The following MRC2 variants were observed in gnomAD, a reference collection of about 807,000 sequenced individuals.
The protein encoded by MRC2 is mannose receptor C-type 2.
Under a neutral mutation model 206.2 loss-of-function variants are expected in MRC2, and 84 were observed. The ratio of observed to expected loss-of-function variants is 0.41; its 90% CI spans 0.34 to 0.49. MRC2 has a LOEUF of 0.49. MRC2 is among the 20% of genes least tolerant of loss of function. MRC2 has a pLI of 0.31. For missense variants in MRC2, 1,676 were observed against 2,001.5 expected (o/e 0.84, Z 3.10); for synonymous variants, 798 against 800.0 (o/e 1.00, Z 0.04).
In MRC2 at chr17:62,689,992, T is replaced by A. The variant is rs780873429; in HGVS notation, c.3672T>A (p.Asp1224Glu). Residue 1224 changes from aspartate to glutamate, a missense_variant, in exon 25 of 30, where the codon GAT (aspartate) becomes GAA (glutamate). Asp to Glu is a conservative substitution (Grantham distance 45). This residue lies in a region of MRC2 where 1,354 missense variants were observed against 1,636.6 expected (regional missense o/e 0.83). Transcript: ENST00000303375. ...PQQPGGCTYV[D>E]VDGAWRTTSC... The stretch of plus-strand genomic sequence containing the variant: ...AGCCGGGGGGCTGTACCTACGTAGA[T>A]GTGGACGGGGCCTGGCGCACCACCA... The A allele has an allele frequency of 6.2e-7, 1 of 1,612,584 alleles. No individual in the cohort carries two copies. The highest frequency in any genetic ancestry group is 8.5e-7 in the Non-Finnish European group (1 of 1,179,764).
chr17:62,666,534 G>A lies in MRC2; in HGVS notation c.774G>A (p.Ser258=). Reference sequence around the variant, plus strand: ...AGTTTAACTTCCAGTCCACGCTGTCGTGGAGGGAGGCCTGGGCCAGCTGCG... The same window carrying A: ...AGTTTAACTTCCAGTCCACGCTGTCATGGAGGGAGGCCTGGGCCAGCTGCG... ...CYQFNFQSTL[S]WREAWASCEQ... The change falls in exon 4 of 30, where the codon TCG becomes TCA. Residue 258 remains serine (S), a synonymous_variant. Transcript: ENST00000303375. The surrounding 1 kb of genome is among the most constrained non-coding windows in gnomAD (Gnocchi z 5.0). The A allele has an allele frequency of 1.2e-6, 2 of 1,613,612 alleles. No individual in the cohort carries two copies. The highest frequency in any genetic ancestry group is 1.7e-6 in the Non-Finnish European group (2 of 1,179,884).
chr17:62,686,802 G>C (rs954006713), intron 20 of MRC2, among the ~76,000 whole-genome samples: 3 of 152,084 alleles, frequency 2.0e-5, no homozygotes, highest in African/African-American at 7.2e-5. Context: ...ATTTAAGTTG[G>C]GCCTCAGCAT....
chr17:62,648,383 C>T (rs996822416), intron 1 of MRC2, among the ~76,000 whole-genome samples: 3 of 152,224 alleles, frequency 2.0e-5, no homozygotes, highest in Non-Finnish European at 4.4e-5. Context: ...CCCAGGTCAA[C>T]TCCTCCCGTC....
chr17:62,637,031 C>T (rs903799552), intron 1 of MRC2, among the ~76,000 whole-genome samples: 1 of 152,236 alleles, frequency 6.6e-6, no homozygotes, highest in Non-Finnish European at 1.5e-5. Flanking sequence ...CAGGTTAGCG[C>T]TGCTAAGGGG....
chr17:62,666,130 C>T lies in MRC2; in HGVS notation c.557C>T (p.Pro186Leu), dbSNP rs150435506. ...YTIQGNSHGK[P>L]CTIPFKYDNQ... ...ATCCAGGGAAACTCCCACGGAAAGC[C>T]GTGCACCATCCCCTTCAAATATGAC... Residue 186 changes from proline to leucine, a missense_variant, in exon 3 of 30, where the codon CCG becomes CTG. Coordinates refer to ENST00000303375, the MANE Select transcript of MRC2 (RefSeq NM_006039.5). This position sits in a 1 kb window ranked among gnomAD's most constrained non-coding sequence, Gnocchi z 5.0. 1 of 1,597,390 alleles carries T rather than the reference C, an allele frequency of 6.3e-7. No individual in the cohort carries two copies. The highest frequency in any genetic ancestry group is 8.5e-7 in the Non-Finnish European group (1 of 1,171,686).
In MRC2 at chr17:62,672,907, G is replaced by A. The variant is rs904242475; in HGVS notation, c.1461+755G>A. 5.3e-5 allele frequency among the ~76,000 whole-genome samples: 8 copies of A among 151,750 alleles called. No homozygotes were observed. The highest frequency in any genetic ancestry group is 1.9e-4 in the African/African-American group (8 of 41,262). ...CTCCAGAGGCTGAGGCAAGAGAATCGCTTGAACCTGGAAGGCAGAGGCTGC... is the reference window on the plus strand; with the variant it reads ...CTCCAGAGGCTGAGGCAAGAGAATCACTTGAACCTGGAAGGCAGAGGCTGC... On this transcript the variant is annotated intron_variant, in intron 8 of 29. Coordinates refer to ENST00000303375, the MANE Select transcript of MRC2 (RefSeq NM_006039.5). The surrounding 1 kb of genome is among the most constrained non-coding windows in gnomAD (Gnocchi z 4.5).
At chr17:62,629,211 C>T (rs1449135373) in intron 1 of MRC2, among the ~76,000 whole-genome samples, 1 of 152,256 alleles carries the variant, frequency 6.6e-6, no homozygotes, top group Non-Finnish European at 1.5e-5. Flanking sequence ...CCTTCCTCTG[C>T]TCCTCTGCGC....
intron 27 of MRC2, 69 bp downstream of exon 27, chr17:62,690,830 C>A: frequency 1.3e-6 from 2 of 1,514,496 alleles, no homozygotes; most frequent in South Asian, 2.6e-5. Flanking sequence ...CCACTTTGCC[C>A]TGAGCCTTGT....
At chr17:62,683,119 T>C (rs190973179) in intron 20 of MRC2, among the ~76,000 whole-genome samples, 2 of 152,296 alleles carry the variant, frequency 1.3e-5, no homozygotes, top group Admixed American at 1.3e-4. Flanking sequence ...AAAATATGTA[T>C]AAGAACAAAA....
In MRC2 at chr17:62,627,931, G is replaced by A; in HGVS notation, c.118+11G>A. On this transcript the variant is annotated intron_variant, in intron 1 of 29. Transcript: ENST00000303375. ...ACGCCGCCCTCCCGGGTAAGGCGCT[G>A]CCAACTTGGCCAACTTCAGGGCCCG... is the stretch of plus-strand genomic sequence containing the variant. 1 of 1,411,294 alleles carries A rather than the reference G, an allele frequency of 7.1e-7. No individual in the cohort carries two copies. Among genetic ancestry groups the A allele is most frequent in the Non-Finnish European group, 9.2e-7 (1 of 1,090,144 alleles). 87.4% of individuals were successfully genotyped at this position (1,411,294 alleles called of 1,614,324 possible).
chr17:62,678,447 C>T (rs890111445), intron 12 of MRC2, 57 bp from the exon 13 acceptor site: 3 of 1,575,168 alleles, frequency 1.9e-6, no homozygotes, highest in Non-Finnish European at 2.6e-6. Context: ...GCAGTAGGTG[C>T]CCCCTGAGGG....
At chr17:62,682,861 C>G (rs530007791) in intron 20 of MRC2, among the ~76,000 whole-genome samples, 2 of 151,942 alleles carry the variant, frequency 1.3e-5, no homozygotes, top group Non-Finnish European at 2.9e-5. Flanking sequence ...AGGCTAGTCT[C>G]GAACCCCTGA....
chr17:62,668,511 G>A (rs1473340580), intron 6 of MRC2, among the ~76,000 whole-genome samples: 1 of 152,120 alleles, frequency 6.6e-6, no homozygotes, highest in Non-Finnish European at 1.5e-5. Flanking sequence ...AGCATCCCCG[G>A]AGGGCTTGTT....
Position 62,689,713 on chromosome 17 carries a change from GC to G in MRC2, c.3529del (p.Arg1177GlufsTer28). 1 of 1,569,592 alleles carries G rather than the reference GC, an allele frequency of 6.4e-7. No individual in the cohort carries two copies. Reference protein sequence around the residue: ...PYTQAFLTQAARGLRTPLWIG... With the variant: ...PYTQAFLTQAXRGLRTPLWIG... ...CACCCAGGCCTTCCTCACGCAGGCTGCCCGAGGGCTGCGCACGCCGCTCTGG... is the reference window on the plus strand; with the variant it reads ...CACCCAGGCCTTCCTCACGCAGGCTGCCGAGGGCTGCGCACGCCGCTCTGG... On this transcript the variant is annotated frameshift_variant, in exon 24 of 30. Transcript: ENST00000303375. LOFTEE classifies it high-confidence loss of function.
rs1208928198 is a variant in MRC2 at position 62,664,038 on chromosome 17, C to T, written c.119-510C>T. On this transcript the variant is annotated intron_variant, in intron 1 of 29. Coordinates refer to ENST00000303375, the MANE Select transcript of MRC2 (RefSeq NM_006039.5). The surrounding 1 kb of genome is among the most constrained non-coding windows in gnomAD (Gnocchi z 4.7). ...GCAGTGGCGGGATCTCGGCTCACTG[C>T]AAGCTCCGCCTCCCGGGTTCACGCC... Among the ~76,000 whole-genome samples, 5 of 148,354 alleles carry T rather than the reference C, an allele frequency of 3.4e-5. No individual in the cohort carries two copies. The East Asian group carries it at 9.9e-4, about 29-fold the overall frequency.
chr17:62,641,715 T>G (rs895640961), intron 1 of MRC2, among the ~76,000 whole-genome samples: 1 of 152,218 alleles, frequency 6.6e-6, no homozygotes, highest in African/African-American at 2.4e-5. Context: ...TGCAACAACA[T>G]GGGTGAATAT....
In MRC2 at chr17:62,666,665, C is replaced by A; in HGVS notation, c.859+46C>A. 6.5e-7 allele frequency: 1 copy of A among 1,549,606 alleles called. No individual in the cohort carries two copies. Among genetic ancestry groups the A allele is most frequent in the Non-Finnish European group, 8.7e-7 (1 of 1,146,538 alleles). On this transcript the variant is annotated intron_variant, in intron 4 of 29. Transcript: ENST00000303375. The surrounding 1 kb of genome is among the most constrained non-coding windows in gnomAD (Gnocchi z 5.0). ...TGCTCGTGCCTCTGGAGGGCCCGGGCCCTTTCCGCTTGTGGGTTGGGGAGA... is the reference window on the plus strand; with the variant it reads ...TGCTCGTGCCTCTGGAGGGCCCGGGACCTTTCCGCTTGTGGGTTGGGGAGA...
In MRC2 at chr17:62,675,063, C is replaced by A. The variant is rs956447415; in HGVS notation, c.1570-727C>A. 7.9e-5 allele frequency among the ~76,000 whole-genome samples: 12 copies of A among 152,168 alleles called. 1 individual carries two copies. The highest frequency in any genetic ancestry group is 1.8e-4 in the Non-Finnish European group (12 of 68,010). ...TGCGGAGTCTGTGGACTGGCAAGGA[C>A]AGTGCCTGGCCCAGGGGCTGTGTCA... On this transcript the variant is annotated intron_variant, in intron 9 of 29. Coordinates refer to ENST00000303375, the MANE Select transcript of MRC2 (RefSeq NM_006039.5). The surrounding 1 kb of genome is among the most constrained non-coding windows in gnomAD (Gnocchi z 4.1).
chr17:62,674,153 G>T lies in MRC2; in HGVS notation c.1552G>T (p.Asp518Tyr). 1.3e-6 allele frequency: 2 copies of T among 1,550,536 alleles called. No individual in the cohort carries two copies. The highest frequency in any genetic ancestry group is 1.7e-6 in the Non-Finnish European group (2 of 1,146,666). Residue 518 changes from aspartate to tyrosine, a missense_variant, in exon 9 of 30, where the codon GAC becomes TAC. This residue lies in a region of MRC2 where 1,354 missense variants were observed against 1,636.6 expected (regional missense o/e 0.83). Transcript: ENST00000303375. ...GCTGAGCCAGGGGGCCGCCGAGGAG[G>T]ACCATGGCTGCCGGAAGGTGAGGGT... is the stretch of plus-strand genomic sequence containing the variant. ...GQLSQGAAEE[D>Y]HGCRKGWTWH...
Sources: gnomAD v4.1 joint callset for allele counts (sites outside exome capture counted in the v4.1 genomes callset) on GRCh38, gnomAD v4.1.1 for gene constraint, gnomAD v4.1.1 regional missense constraint, Gnocchi (gnomAD v3.1) non-coding constraint, MANE v1.5 for transcripts, NCBI Gene and HGNC (gene_info 2026-07-23, HGNC 2026-07-21) for gene names.